The following GALK2 variants were observed in gnomAD, a reference collection of about 807,000 sequenced individuals.
GALK2 encodes the protein N-acetylgalactosamine kinase.
Under a neutral mutation model 52.4 loss-of-function variants are expected in GALK2, and 36 were observed. The observed-to-expected ratio is 0.69, with a 90% confidence interval of 0.53 to 0.91. GALK2 has a LOEUF of 0.91. Among genes scored for constraint, GALK2 ranks in the 40% least tolerant of loss-of-function variants. The probability of loss-of-function intolerance (pLI) is 0.00; values close to 1 mark genes in which losing one functional copy is unlikely to be tolerated. For synonymous variants in GALK2, 176 were observed against 199.1 expected (o/e 0.88, Z 0.98); for missense variants, 579 against 559.1 (o/e 1.04, Z -0.36).
intron 3 of GALK2, among the ~76,000 whole-genome samples, chr15:49,230,017 G>A (rs1441029695): frequency 1.3e-5 from 2 of 152,150 alleles, no homozygotes; most frequent in African/African-American, 2.4e-5. Context: ...ACTGCTGGGA[G>A]TATTGTAGTT....
At chr15:49,181,459 C>G (rs143624296) in intron 1 of GALK2, among the ~76,000 whole-genome samples, 130 of 146,916 alleles carry the variant, frequency 8.8e-4, no homozygotes, top group African/African-American at 3.1e-3. Context: ...TCAAAGAGTA[C>G]TTAGTAAAGC....
At chr15:49,277,390 G>A (rs1203926788) in intron 5 of GALK2, among the ~76,000 whole-genome samples, 4 of 143,014 alleles carry the variant, frequency 2.8e-5, no homozygotes, top group Non-Finnish European at 4.6e-5. Flanking sequence ...GGATGGTCTC[G>A]ATCTCCTGAC....
chr15:49,243,025 A>T (rs1488551369), intron 5 of GALK2, among the ~76,000 whole-genome samples: 1 of 152,224 alleles, frequency 6.6e-6, no homozygotes, highest in East Asian at 1.9e-4. Flanking sequence ...CGAATGGAGA[A>T]AGGTCAGAGC....
At chr15:49,352,189 C>G (rs1436826552) in intron 3 of GALK2, among the ~76,000 whole-genome samples, 4 of 152,176 alleles carry the variant, frequency 2.6e-5, no homozygotes, top group African/African-American at 9.7e-5. Context: ...CAAGAGCAAG[C>G]ATCCCAAAAG....
intron 1 of GALK2, among the ~76,000 whole-genome samples, chr15:49,199,936 T>C (rs552728379): frequency 6.6e-6 from 1 of 152,366 alleles, no homozygotes; most frequent in Admixed American, 6.5e-5. Context: ...GAGACGAGCT[T>C]GAATAACTTC....
intron 8 of GALK2, among the ~76,000 whole-genome samples, chr15:49,311,272 C>T (rs2035969137): frequency 6.6e-6 from 1 of 152,070 alleles, no homozygotes; most frequent in Non-Finnish European, 1.5e-5. Context: ...GGAGAGAGTC[C>T]ATTGTTTTAT....
intron 8 of GALK2, among the ~76,000 whole-genome samples, chr15:49,299,531 A>G (rs562912817): frequency 6.6e-6 from 1 of 152,252 alleles, no homozygotes; most frequent in African/African-American, 2.4e-5. Flanking sequence ...TCAGTGCTAT[A>G]AATTTCCTCT....
At chr15:49,296,222 C>G (rs1427254692) in intron 8 of GALK2, among the ~76,000 whole-genome samples, 1 of 152,036 alleles carries the variant, frequency 6.6e-6, no homozygotes, top group African/African-American at 2.4e-5. Context: ...ATTTTATCAC[C>G]CAGGTAGTGA....
At chr15:49,160,580 C>G (rs1229621867) in intron 1 of GALK2, among the ~76,000 whole-genome samples, 1 of 151,808 alleles carries the variant, frequency 6.6e-6, no homozygotes, top group African/African-American at 2.4e-5. Flanking sequence ...GTAATAGTAC[C>G]CAGGCCGGGT....
At chr15:49,322,108 C>G (rs1003961671) in intron 9 of GALK2, among the ~76,000 whole-genome samples, 1 of 152,166 alleles carries the variant, frequency 6.6e-6, no homozygotes, top group Non-Finnish European at 1.5e-5. Flanking sequence ...AAGCTTATGG[C>G]TATGTCTTAA....
chr15:49,247,738 A>G (rs1483416937), intron 5 of GALK2, among the ~76,000 whole-genome samples: 2 of 152,210 alleles, frequency 1.3e-5, no homozygotes, highest in African/African-American at 4.8e-5. Context: ...GTGAACCCAT[A>G]AGTGTATTTT....
At chr15:49,364,758 C>G (rs1267075085) in intron 3 of GALK2, among the ~76,000 whole-genome samples, 3 of 151,996 alleles carry the variant, frequency 2.0e-5, no homozygotes, top group Non-Finnish European at 4.4e-5. Flanking sequence ...TACAGTAAAA[C>G]CCATTCAGAA....
At chr15:49,314,964 A>G (rs1018921278) in intron 8 of GALK2, among the ~76,000 whole-genome samples, 10 of 152,394 alleles carry the variant, frequency 6.6e-5, no homozygotes, top group African/African-American at 2.4e-4. Flanking sequence ...TGCTGGAAGC[A>G]CAGCTCGGAG....
intron 3 of GALK2, among the ~76,000 whole-genome samples, chr15:49,232,921 G>A (rs1431273827): frequency 6.6e-6 from 1 of 152,190 alleles, no homozygotes; most frequent in Non-Finnish European, 1.5e-5. Flanking sequence ...TCTCTAGGAA[G>A]TTACAAATTT....
chr15:49,338,251 T>A (rs1320447953), intron 3 of GALK2, among the ~76,000 whole-genome samples: 1 of 152,234 alleles, frequency 6.6e-6, no homozygotes, highest in African/African-American at 2.4e-5. Context: ...TTGGTATGTT[T>A]TTGCAGTGCC....
At chr15:49,170,071 C>G (rs1252294951), upstream of GALK2, 6 of 720,824 alleles carry the variant, frequency 8.3e-6, no homozygotes, top group Non-Finnish European at 1.3e-5. Context: ...TAGTCCCTCC[C>G]TGGGAGCTAA....
intron 6 of GALK2, among the ~76,000 whole-genome samples, chr15:49,282,648 T>C (rs1380573043): frequency 6.6e-6 from 1 of 152,154 alleles, no homozygotes; most frequent in African/African-American, 2.4e-5. Flanking sequence ...TATCAACTCC[T>C]TTAGGCAGAG....
At chr15:49,251,989 G>A (rs1228300950) in intron 5 of GALK2, among the ~76,000 whole-genome samples, 6 of 152,020 alleles carry the variant, frequency 3.9e-5, no homozygotes, top group South Asian at 2.1e-4. Flanking sequence ...ATATTGGCCC[G>A]GTGCGGTGCC....
intron 1 of GALK2, chr15:49,178,518 C>A: frequency 3.5e-6 from 1 of 282,890 alleles, no homozygotes; most frequent in Non-Finnish European, 6.9e-6. Flanking sequence ...CCCTTAGGAA[C>A]TGGGCATTTT....
Sources: allele counts gnomAD v4.1 joint callset (sites outside exome capture counted in the v4.1 genomes callset), GRCh38; gene constraint gnomAD v4.1.1; transcripts MANE v1.5; gene names NCBI Gene and HGNC (gene_info 2026-07-23, HGNC 2026-07-21).